The following DUS4L variants were observed in gnomAD, a reference collection of about 807,000 sequenced individuals.
DUS4L encodes dihydrouridine synthase 4 like, also known as tRNA-dihydrouridine(20a/20b) synthase [NAD(P)+]-like.
Under a neutral mutation model 33.8 loss-of-function variants are expected in DUS4L, and 31 were observed. The ratio of observed to expected loss-of-function variants is 0.92; its 90% CI spans 0.69 to 1.24. The LOEUF (loss-of-function observed/expected upper bound fraction) is 1.24, where lower values mean the gene tolerates loss of function less well. Among genes scored for constraint, DUS4L ranks in the 50% most tolerant of loss-of-function variants. The pLI is 0.00. For missense variants in DUS4L, 368 were observed against 388.6 expected (o/e 0.95, Z 0.45); for synonymous variants, 103 against 120.3 (o/e 0.86, Z 0.94).
At chr7:107,576,335 T>G (rs1805748906) in intron 6 of DUS4L, 31 bp from the exon 7 acceptor site, 1 of 1,585,724 alleles carries the variant, frequency 6.3e-7, no homozygotes, top group Non-Finnish European at 8.6e-7. Context: ...TTGTGTGCTG[T>G]GAACAGATAA....
rs1805476690 is a variant in DUS4L at position 107,573,749 on chromosome 7, T to C, written c.284T>C (p.Leu95Pro). The C allele has an allele frequency of 6.2e-7, 1 of 1,611,536 alleles. No individual in the cohort carries two copies. Among genetic ancestry groups the C allele is most frequent in the African/African-American group, 1.3e-5 (1 of 74,820 alleles). ...CAGTTTGCTGCTAACGATGCAAGAC[T>C]TTTATCTGATGCTGCTCGTATAGTC... ...IVQFAANDARLLSDAARIVCP... is the reference protein window; with the variant it reads ...IVQFAANDARPLSDAARIVCP... Residue 95 changes from leucine to proline, a missense_variant, in exon 5 of 8, where the codon CTT becomes CCT. Transcript: ENST00000265720.
intron 7 of DUS4L, 200 bp from the exon 8 acceptor site, chr7:107,577,113 C>T (rs771458915): frequency 2.2e-5 from 14 of 630,916 alleles, no homozygotes; most frequent in Non-Finnish European, 3.3e-5. Context: ...GATTTCTGTA[C>T]GTACATTTAA....
chr7:107,568,925 C>T (rs1563110705), intron 3 of DUS4L, among the ~76,000 whole-genome samples: 1 of 152,244 alleles, frequency 6.6e-6, no homozygotes, highest in Non-Finnish European at 1.5e-5. Flanking sequence ...CAGCCAGGCA[C>T]AGTGGCTCAC....
chr7:107,577,418 T>G lies in DUS4L; in HGVS notation c.812T>G (p.Leu271Arg). 6.2e-7 allele frequency: 1 copy of G among 1,614,162 alleles called. No homozygotes were observed. The highest frequency in any genetic ancestry group is 8.5e-7 in the Non-Finnish European group (1 of 1,180,022). ...IWDWVDIALE[L>R]GTPYMCFHQH... ...GACTGGGTTGACATTGCTCTTGAAC[T>G]CGGGACTCCTTACATGTGTTTCCAT... The change falls in exon 8 of 8, where the codon CTC (leucine) becomes CGC (arginine). Residue 271 changes from leucine to arginine, a missense_variant. Physicochemically the swap from Leu to Arg is moderately radical, Grantham distance 102 (BLOSUM62 -2). Transcript: ENST00000265720.
chr7:107,564,080 C>A lies in DUS4L; in HGVS notation c.-240C>A. 1.4e-6 allele frequency: 2 copies of A among 1,403,306 alleles called. No homozygotes were observed. Among genetic ancestry groups the A allele is most frequent in the East Asian group, 5.0e-5 (2 of 40,242 alleles). The allele number at this position is 1,403,306 out of a possible 1,614,324, so 86.9% of individuals were successfully genotyped here. A position where few individuals can be genotyped will look rare whatever the true frequency, so the allele number is the denominator to read the frequency against. On this transcript the variant is annotated 5_prime_UTR_variant, in exon 1 of 8. Coordinates refer to ENST00000265720, the MANE Select transcript of DUS4L (RefSeq NM_181581.3). The stretch of plus-strand genomic sequence containing the variant: ...CGCAGGTACTCGAGCAGTGGGCGCC[C>A]AGGGTCCGAGTGCTCTGCGCCCAGC...
Position 107,578,298 on chromosome 7 carries a change from A to T in DUS4L, c.*738A>T, listed in dbSNP as rs1346777052. 10 of 152,058 alleles carry T rather than the reference A, an allele frequency of 6.6e-5. No individual in the cohort carries two copies. The highest frequency in any genetic ancestry group is 2.4e-4 in the African/African-American group (10 of 41,408). The allele number at this position is 152,058 out of a possible 1,614,324, so 9.4% of individuals were successfully genotyped here. ...AAACCTAATTACTTTTGTGCCTCTC[A>T]GCCGTTGATTGTAACTTTAAAGTCC... On this transcript the variant is annotated 3_prime_UTR_variant, in exon 8 of 8. Transcript: ENST00000265720.
intron 3 of DUS4L, among the ~76,000 whole-genome samples, chr7:107,568,846 TA>T (rs1314892236): frequency 6.6e-6 from 1 of 152,244 alleles, no homozygotes; most frequent in African/African-American, 2.4e-5. Context: ...AACTTTTATG[TA>T]AGTGTGAGGC....
At chr7:107,575,508 TG>T in intron 6 of DUS4L, 198 bp downstream of exon 6, 1 of 467,542 alleles carries the variant, frequency 2.1e-6, no homozygotes. Flanking sequence ...ACTTCCTCTT[TG>T]TACTTTTAAC....
At chr7:107,573,271 T>C (rs537585568) in intron 4 of DUS4L, among the ~76,000 whole-genome samples, 4 of 152,322 alleles carry the variant, frequency 2.6e-5, no homozygotes, top group Non-Finnish European at 1.5e-5. Context: ...GGTCCATCCG[T>C]ACAGCGGAAT....
chr7:107,571,400 A>AT lies in DUS4L; in HGVS notation c.238+140dup, dbSNP rs896058653. On this transcript the variant is annotated intron_variant, in intron 4 of 7. Transcript: ENST00000265720. ...TAGTTCTTTAGTGTTTTTAATAAGT[A>AT]TTTTTTACATGTTATTACTGAATGC... 3.1e-6 allele frequency: 4 copies of AT among 1,297,110 alleles called. No homozygotes were observed. In the African/African-American group the frequency reaches 6.0e-5, roughly 20 times the overall value. 80.4% of individuals were successfully genotyped at this position (1,297,110 alleles called of 1,614,324 possible). A position where few individuals can be genotyped will look rare whatever the true frequency, so the allele number is the denominator to read the frequency against.
At position 107,571,195 on chromosome 7, in the gene DUS4L, C is replaced by T. The variant is rs1283349973; in HGVS notation, c.167C>T (p.Thr56Ile). 11 of 1,611,934 alleles carry T rather than the reference C, an allele frequency of 6.8e-6. No homozygotes were observed. The highest frequency in any genetic ancestry group is 9.3e-6 in the Non-Finnish European group (11 of 1,179,538). The change falls in exon 4 of 8, where the codon ACA becomes ATA. Residue 56 changes from threonine (T) to isoleucine (I), a missense_variant. Coordinates refer to ENST00000265720, the MANE Select transcript of DUS4L (RefSeq NM_181581.3). Reference protein sequence around the residue: ...VRKYSCDLCYTPMIVAADFVK... With the variant: ...VRKYSCDLCYIPMIVAADFVK... ...AAATATAGTTGTGATCTGTGTTACA[C>T]ACCAATGATTGTTGCCGCTGATTTT...
Position 107,564,126 on chromosome 7 carries a change from G to A in DUS4L, c.-194G>A, listed in dbSNP as rs926022697. On this transcript the variant is annotated 5_prime_UTR_variant, in exon 1 of 8. Coordinates refer to ENST00000265720, the MANE Select transcript of DUS4L (RefSeq NM_181581.3). ...CCAGCGCACCGAGGGAGCCAAGGCCGTCGGGCCGGCGCTTTCAGCTGTCTC... is the reference window on the plus strand; with the variant it reads ...CCAGCGCACCGAGGGAGCCAAGGCCATCGGGCCGGCGCTTTCAGCTGTCTC... 2.0e-5 allele frequency: 19 copies of A among 960,710 alleles called. No individual in the cohort carries two copies. In the African/African-American group the frequency reaches 2.6e-4, roughly 13 times the overall value. The allele number at this position is 960,710 out of a possible 1,614,324, so 59.5% of individuals were successfully genotyped here.
Position 107,567,152 on chromosome 7 carries a change from G to C in DUS4L, c.82G>C (p.Val28Leu). ...AGAAATGTTTCATTCTGGACAGCTG[G>C]TAAAAGTCTGTGCCCCAATGGTTCG... ...PIEMFHSGQL[V>L]KVCAPMVRYS... Residue 28 changes from valine (V) to leucine (L), a missense_variant, in exon 3 of 8, where the codon GTA (valine) becomes CTA (leucine). Transcript: ENST00000265720. The C allele has an allele frequency of 6.2e-7, 1 of 1,613,448 alleles. No homozygotes were observed. The highest frequency in any genetic ancestry group is 8.5e-7 in the Non-Finnish European group (1 of 1,179,614).
At position 107,577,682 on chromosome 7, in the gene DUS4L, G is replaced by T; in HGVS notation, c.*122G>T. The T allele has an allele frequency of 8.6e-7, 1 of 1,157,204 alleles. No individual in the cohort carries two copies. The highest frequency in any genetic ancestry group is 1.7e-5 in the South Asian group (1 of 60,000). 71.7% of individuals were successfully genotyped at this position (1,157,204 alleles called of 1,614,324 possible). ...TAGTATAAAAACAATTCCTGGGAGC[G>T]TTTTTTAAAAATCAGTTGTAGACAC... On this transcript the variant is annotated 3_prime_UTR_variant, in exon 8 of 8. Coordinates refer to ENST00000265720, the MANE Select transcript of DUS4L (RefSeq NM_181581.3).
chr7:107,569,427 C>A (rs1391293182), intron 3 of DUS4L, among the ~76,000 whole-genome samples: 1 of 152,174 alleles, frequency 6.6e-6, no homozygotes, highest in East Asian at 1.9e-4. Flanking sequence ...AGTTCCCTTG[C>A]TTTACAAATA....
At position 107,575,267 on chromosome 7, in the gene DUS4L, A is replaced by T; in HGVS notation, c.436A>T (p.Asn146Tyr). The T allele has an allele frequency of 1.2e-6, 2 of 1,611,328 alleles. No individual in the cohort carries two copies. Among genetic ancestry groups the T allele is most frequent in the African/African-American group, 2.7e-5 (2 of 74,804 alleles). The change falls in exon 6 of 8, where the codon AAT becomes TAT. Residue 146 changes from asparagine (N) to tyrosine (Y), a missense_variant. Asn to Tyr is a moderately radical substitution (Grantham distance 143, BLOSUM62 -2). Coordinates refer to ENST00000265720, the MANE Select transcript of DUS4L (RefSeq NM_181581.3). The part of the protein sequence containing the change: ...LVQDMVKQVR[N>Y]QVETPGFSVS... The stretch of plus-strand genomic sequence containing the variant: ...TCAAGACATGGTGAAACAAGTAAGA[A>T]ATCAAGTGGAAACCCCTGGATTTTC...
intron 2 of DUS4L, among the ~76,000 whole-genome samples, chr7:107,565,498 A>G (rs1175731865): frequency 6.6e-6 from 1 of 152,116 alleles, no homozygotes; most frequent in African/African-American, 2.4e-5. Context: ...GGGTCATTGT[A>G]GTGTACAACT....
chr7:107,568,150 T>C (rs1449252087), intron 3 of DUS4L, among the ~76,000 whole-genome samples: 1 of 152,192 alleles, frequency 6.6e-6, no homozygotes, highest in Non-Finnish European at 1.5e-5. Context: ...TACCCATGGT[T>C]CGTAACAGGT....
chr7:107,567,967 A>G (rs1024833064), intron 3 of DUS4L: 8 of 220,812 alleles, frequency 3.6e-5, no homozygotes, highest in Middle Eastern at 9.9e-4. Flanking sequence ...GTTGTAGCAT[A>G]TATCAGACTT....
Sources: allele counts gnomAD v4.1 joint callset (sites outside exome capture counted in the v4.1 genomes callset), GRCh38; gene constraint gnomAD v4.1.1; transcripts MANE v1.5; gene names NCBI Gene and HGNC (gene_info 2026-07-23, HGNC 2026-07-21).